The following DYRK3 variants were observed in gnomAD, a reference collection of about 807,000 sequenced individuals.
The protein encoded by DYRK3 is dual specificity tyrosine phosphorylation regulated kinase 3.
Under a neutral mutation model 40.8 loss-of-function variants are expected in DYRK3, and 30 were observed. The observed-to-expected ratio is 0.74, with a 90% CI of 0.55 to 1.00. DYRK3 has a LOEUF of 1.00. Ranked by LOEUF, DYRK3 falls within the 50% of genes least tolerant of loss-of-function variation. The pLI is 0.00. For synonymous variants in DYRK3, 272 were observed against 260.7 expected, an observed-to-expected ratio of 1.04 and a Z score of -0.42; for missense variants, 699 against 731.5, an observed-to-expected ratio of 0.96 and a Z score of 0.51.
chr1:206,638,669 CAA>C (rs1372738084), intron 2 of DYRK3, among the ~76,000 whole-genome samples: 1 of 151,534 alleles, frequency 6.6e-6, no homozygotes, highest in Non-Finnish European at 1.5e-5. Flanking sequence ...AGTTCCATGA[CAA>C]AGAGAGGCTA....
rs782670813 is a variant in DYRK3, at chr1:206,654,556, T to C, written c.*5591T>C. 6.6e-6 allele frequency among the ~76,000 whole-genome samples: 1 copy of C among 152,204 alleles called. No homozygotes were observed. Among genetic ancestry groups the C allele is most frequent in the Non-Finnish European group, 1.5e-5 (1 of 68,038 alleles). ...ATACTCCATTTTCACCTTCAACCTA[T>C]CCTTCCTGAAGCCCAAACTTTTAAA... On this transcript the variant is annotated 3_prime_UTR_variant, in exon 3 of 3. Transcript: ENST00000367109.
In DYRK3 at chr1:206,649,244, T is replaced by C. The variant is rs1455004434; in HGVS notation, c.*279T>C. The C allele has an allele frequency of 8.9e-6, 3 of 336,180 alleles. No homozygotes were observed. The East Asian group carries it at 1.8e-4, about 20-fold the overall frequency. The allele number at this position is 336,180 out of a possible 1,614,324, so 20.8% of individuals were successfully genotyped here. ...GTATTTCAACTGATGTATTATACTATTGGTTTAAATCTCTTTCTCTCAAGA... is the reference window on the plus strand; with the variant it reads ...GTATTTCAACTGATGTATTATACTACTGGTTTAAATCTCTTTCTCTCAAGA... On this transcript the variant is annotated 3_prime_UTR_variant, in exon 3 of 3. Transcript: ENST00000367109.
At chr1:206,647,317 A>G in intron 2 of DYRK3, 71 bp from the exon 3 acceptor site, 4 of 1,420,486 alleles carry the variant, frequency 2.8e-6, no homozygotes, top group Non-Finnish European at 3.8e-6. Flanking sequence ...GTTGTTATTC[A>G]GTTGGAGGAG....
In DYRK3 at chr1:206,649,241, C is replaced by T; in HGVS notation, c.*276C>T. The T allele has an allele frequency of 2.9e-6, 1 of 348,528 alleles. No individual in the cohort carries two copies. The highest frequency in any genetic ancestry group is 4.3e-5 in the South Asian group (1 of 23,486). The allele number at this position is 348,528 out of a possible 1,614,324, so 21.6% of individuals were successfully genotyped here. ...GATGTATTTCAACTGATGTATTATA[C>T]TATTGGTTTAAATCTCTTTCTCTCA... On this transcript the variant is annotated 3_prime_UTR_variant, in exon 3 of 3. Coordinates refer to ENST00000367109, the MANE Select transcript of DYRK3 (RefSeq NM_003582.4).
At chr1:206,646,980 A>C (rs571152265) in intron 2 of DYRK3, among the ~76,000 whole-genome samples, 51 of 152,332 alleles carry the variant, frequency 3.3e-4, no homozygotes, top group African/African-American at 1.1e-3. Flanking sequence ...GTTAGGATAT[A>C]AGATTAATTA....
At position 206,647,946 on chromosome 1, in the gene DYRK3, G is replaced by A. The variant is rs781972005; in HGVS notation, c.748G>A (p.Ala250Thr). 6.2e-7 allele frequency: 1 copy of A among 1,614,020 alleles called. No individual in the cohort carries two copies. Among genetic ancestry groups the A allele is most frequent in the Non-Finnish European group, 8.5e-7 (1 of 1,180,036 alleles). Residue 250 changes from alanine to threonine, a missense_variant, in exon 3 of 3, where the codon GCA (alanine) becomes ACA (threonine). Physicochemically the swap from Ala to Thr is moderately conservative, Grantham distance 58 (BLOSUM62 0). Transcript: ENST00000367109. ...VRNEKRFHRQ[A>T]AEEIRILEHL... Reference sequence around the variant, plus strand: ...CAATGAGAAGCGCTTTCATCGTCAAGCAGCTGAGGAGATCCGGATTTTGGA... The same window carrying A: ...CAATGAGAAGCGCTTTCATCGTCAAACAGCTGAGGAGATCCGGATTTTGGA...
chr1:206,639,968 T>TCTCTCGCCCAGC (rs1671240043), intron 2 of DYRK3, among the ~76,000 whole-genome samples: 1 of 141,634 alleles, frequency 7.1e-6, no homozygotes, highest in South Asian at 2.3e-4. Context: ...CGAGTCTCGC[T>TCTCTCGCCCAGC]CTCTCGCCCA....
Position 206,648,585 on chromosome 1 carries a change from G to A in DYRK3, c.1387G>A (p.Val463Met), listed in dbSNP as rs1553420785. The A allele has an allele frequency of 1.2e-6, 2 of 1,614,132 alleles. No homozygotes were observed. The highest frequency in any genetic ancestry group is 3.3e-5 in the Admixed American group (2 of 60,018). ...GACTACCCAGGCAGATGGGAGGGTT[G>A]TGCTTGTGGGGGGTCGCTCACGTAG... is the stretch of plus-strand genomic sequence containing the variant. ...SVTTQADGRV[V>M]LVGGRSRRGK... The change falls in exon 3 of 3, where the codon GTG becomes ATG. Residue 463 changes from valine to methionine, a missense_variant. By Grantham distance (21) the Val-to-Met change is conservative (BLOSUM62 1). Transcript: ENST00000367109.
rs1671487701 is a variant in DYRK3 at position 206,647,481 on chromosome 1, A to G, written c.283A>G (p.Arg95Gly). The G allele has an allele frequency of 6.2e-7, 1 of 1,614,110 alleles. No homozygotes were observed. The highest frequency in any genetic ancestry group is 8.5e-7 in the Non-Finnish European group (1 of 1,180,056). ...VEQLFQEFGNRKSNTIQSDGI... is the reference protein window; with the variant it reads ...VEQLFQEFGNGKSNTIQSDGI... ...ACAGCTGTTTCAAGAATTTGGCAAC[A>G]GAAAATCCAATACTATTCAGTCAGA... The change falls in exon 3 of 3, where the codon AGA (arginine) becomes GGA (glycine). Residue 95 changes from arginine (R) to glycine (G), a missense_variant. Arg to Gly is a moderately radical substitution (Grantham distance 125, BLOSUM62 -2). Transcript: ENST00000367109.
intron 1 of DYRK3, 133 bp downstream of exon 1, chr1:206,635,913 C>T (rs889821781): frequency 3.1e-6 from 4 of 1,297,468 alleles, no homozygotes; most frequent in African/African-American, 1.5e-5. Context: ...CTGACTGCCT[C>T]CCCGGGACCG....
chr1:206,643,929 T>A, intron 2 of DYRK3, among the ~76,000 whole-genome samples: 1 of 152,168 alleles, frequency 6.6e-6, no homozygotes, highest in East Asian at 1.9e-4. Flanking sequence ...ATTATTATTT[T>A]TAATTAGAAT....
At chr1:206,637,025 T>A (rs1671135670) in intron 1 of DYRK3, 4 of 1,313,564 alleles carry the variant, frequency 3.0e-6, no homozygotes, top group Non-Finnish European at 4.4e-6. Context: ...CTGTAGTACT[T>A]ACTGTATTTT....
intron 2 of DYRK3, among the ~76,000 whole-genome samples, chr1:206,639,447 T>G (rs142032594): frequency 3.6e-4 from 54 of 150,954 alleles, no homozygotes; most frequent in African/African-American, 1.3e-3. Flanking sequence ...AACATCTGAC[T>G]TTAAGTCATT....
rs562278682 is a variant in DYRK3 at position 206,654,718 on chromosome 1, C to A, written c.*5753C>A. Among the ~76,000 whole-genome samples the A allele has an allele frequency of 6.6e-6, 1 of 152,272 alleles. No individual in the cohort carries two copies. Among genetic ancestry groups the A allele is most frequent in the Admixed American group, 6.5e-5 (1 of 15,284 alleles). On this transcript the variant is annotated 3_prime_UTR_variant, in exon 3 of 3. Transcript: ENST00000367109. Reference sequence around the variant, plus strand: ...AACCCATCCATAAAAGGACTAAAAGCTCTCTCTGGTCCCTGAGATCCACAA... The same window carrying A: ...AACCCATCCATAAAAGGACTAAAAGATCTCTCTGGTCCCTGAGATCCACAA...
Position 206,648,462 on chromosome 1 carries a change from A to G in DYRK3, c.1264A>G (p.Met422Val). The stretch of plus-strand genomic sequence containing the variant: ...TGAAGGAGACCAGTTGGCCTGCATG[A>G]TGGAGCTTCTAGGGATGCCACCACC... Reference protein sequence around the residue: ...EDEGDQLACMMELLGMPPPKL... With the variant: ...EDEGDQLACMVELLGMPPPKL... Residue 422 changes from methionine to valine, a missense_variant, in exon 3 of 3, where the codon ATG becomes GTG. Coordinates refer to ENST00000367109, the MANE Select transcript of DYRK3 (RefSeq NM_003582.4). 1.2e-6 allele frequency: 2 copies of G among 1,614,120 alleles called. No homozygotes were observed. The highest frequency in any genetic ancestry group is 1.7e-6 in the Non-Finnish European group (2 of 1,180,020).
intron 1 of DYRK3, 46 bp downstream of exon 1, chr1:206,635,826 G>T: frequency 4.0e-6 from 5 of 1,242,588 alleles, no homozygotes; most frequent in Non-Finnish European, 5.0e-6. Context: ...ACAGGGAGCG[G>T]CTGGCGCTGG....
intron 2 of DYRK3, among the ~76,000 whole-genome samples, chr1:206,642,919 TATA>T (rs1166301224): frequency 6.6e-5 from 10 of 151,284 alleles, no homozygotes; most frequent in Admixed American, 3.3e-4. Context: ...CCCTATAACT[TATA>T]ATAATAATAA....
intron 2 of DYRK3, among the ~76,000 whole-genome samples, chr1:206,642,784 A>T (rs527733085): frequency 1.3e-5 from 2 of 151,990 alleles, no homozygotes; most frequent in South Asian, 4.2e-4. Flanking sequence ...GTGGGGTGGG[A>T]GGAGGGGGGA....
chr1:206,644,695 A>G (rs553732301), intron 2 of DYRK3, among the ~76,000 whole-genome samples: 3 of 152,090 alleles, frequency 2.0e-5, no homozygotes, highest in Non-Finnish European at 2.9e-5. Flanking sequence ...GCGCGCCACT[A>G]CGCCTGGCTA....
Sources: gnomAD v4.1 joint callset for allele counts (sites outside exome capture counted in the v4.1 genomes callset) on GRCh38, gnomAD v4.1.1 for gene constraint, MANE v1.5 for transcripts, NCBI Gene and HGNC (gene_info 2026-07-23, HGNC 2026-07-21) for gene names.